The following USP34 variants were observed in gnomAD, a reference collection of about 807,000 sequenced individuals.
USP34 encodes ubiquitin carboxyl-terminal hydrolase 34.
In USP34, 70 loss-of-function variants were observed where a neutral mutation model predicts 460.3. The observed-to-expected ratio is 0.15, with a 90% confidence interval of 0.13 to 0.19. USP34 has a LOEUF of 0.19. Among genes scored for constraint, USP34 ranks in the 10% least tolerant of loss-of-function variants. The pLI is 1.00. For missense variants in USP34, 3,985 were observed against 4,236.2 expected (o/e 0.94, Z 1.65); for synonymous variants, 1,647 against 1,405.3 (o/e 1.17, Z -3.85).
chr2:61,241,933 T>A (rs566405564), intron 51 of USP34, 114 bp from the exon 52 acceptor site: 2 of 592,742 alleles, frequency 3.4e-6, no homozygotes, highest in East Asian at 6.9e-5. Context: ...ACTTTGTAAG[T>A]AGTTTTCAAA....
chr2:61,338,767 AAAC>A (rs1691502306), intron 18 of USP34, among the ~76,000 whole-genome samples: 1 of 152,190 alleles, frequency 6.6e-6, no homozygotes, highest in African/African-American at 2.4e-5. Context: ...GGCAGAATTC[AAAC>A]AAGAGAAAAA....
chr2:61,309,943 A>C (rs931346602), intron 27 of USP34, among the ~76,000 whole-genome samples: 2 of 152,190 alleles, frequency 1.3e-5, no homozygotes, highest in Admixed American at 1.3e-4. Context: ...TAGTAGCTAC[A>C]TGTCCCTTTT....
In USP34 at chr2:61,302,114, T is replaced by C. The variant is rs1273195182; in HGVS notation, c.3818-660A>G. The stretch of plus-strand genomic sequence containing the variant: ...GAGAAGACATTCAAATTAAGTATTG[T>C]ATAATGTACAACTTTTTCGGGAAAA... On this transcript the variant is annotated intron_variant, in intron 27 of 79. Transcript: ENST00000398571. Among the ~76,000 whole-genome samples, 7 of 152,186 alleles carry C rather than the reference T, an allele frequency of 4.6e-5. No individual in the cohort carries two copies. In the East Asian group the frequency reaches 9.6e-4, roughly 21 times the overall value.
chr2:61,315,911 C>G (rs941602217), intron 23 of USP34, among the ~76,000 whole-genome samples: 9 of 151,936 alleles, frequency 5.9e-5, no homozygotes, highest in Admixed American at 5.9e-4. Flanking sequence ...TGAAAATTAT[C>G]ATAGTGGGCC....
At chr2:61,260,920 A>G (rs980436096) in intron 43 of USP34, among the ~76,000 whole-genome samples, 2 of 152,220 alleles carry the variant, frequency 1.3e-5, no homozygotes, top group African/African-American at 4.8e-5. Flanking sequence ...CTTAATGCGC[A>G]ATTTTTAAAT....
chr2:61,365,730 T>A (rs1258139416), intron 10 of USP34, among the ~76,000 whole-genome samples: 2 of 152,106 alleles, frequency 1.3e-5, no homozygotes, highest in Non-Finnish European at 2.9e-5. Context: ...TAGTATATAA[T>A]CTAAATGTTA....
At chr2:61,362,683 T>G (rs572545428) in intron 10 of USP34, among the ~76,000 whole-genome samples, 18 of 152,274 alleles carry the variant, frequency 1.2e-4, no homozygotes, top group Admixed American at 3.3e-4. Flanking sequence ...GTTTAAGTTC[T>G]CCAAAATGAG....
At chr2:61,196,595 G>A (rs546747918) in intron 75 of USP34, among the ~76,000 whole-genome samples, 4 of 151,416 alleles carry the variant, frequency 2.6e-5, no homozygotes, top group South Asian at 2.1e-4. Flanking sequence ...CAGTGGCATC[G>A]TCTTGGCTCA....
At chr2:61,327,889 A>G (rs1373211289) in intron 20 of USP34, among the ~76,000 whole-genome samples, 1 of 152,214 alleles carries the variant, frequency 6.6e-6, no homozygotes. Context: ...AGTCTCCCCA[A>G]AGATATGAAA....
At chr2:61,454,949 T>C (rs1051817192) in intron 1 of USP34, among the ~76,000 whole-genome samples, 2 of 149,274 alleles carry the variant, frequency 1.3e-5, no homozygotes, top group Non-Finnish European at 3.0e-5. Flanking sequence ...TGGTGCCATC[T>C]TGGCTCACTG....
At position 61,265,644 on chromosome 2, in the gene USP34, C is replaced by T. The variant is rs878941872; in HGVS notation, c.5618-87G>A. On this transcript the variant is annotated intron_variant, in intron 42 of 79. Coordinates refer to ENST00000398571, the MANE Select transcript of USP34 (RefSeq NM_014709.4). ...TGCTTACATTAACAGCCTCTACCTC[C>T]ATTAGTTACCTCATTAATATATATA... 25 of 1,247,156 alleles carry T rather than the reference C, an allele frequency of 2.0e-5. 1 individual carries two copies. In the South Asian group the frequency reaches 4.5e-4, roughly 23 times the overall value. 77.3% of individuals were successfully genotyped at this position (1,247,156 alleles called of 1,614,324 possible). A position where few individuals can be genotyped will look rare whatever the true frequency, so the allele number is the denominator to read the frequency against.
chr2:61,293,659 A>T, intron 32 of USP34, 109 bp from the exon 33 acceptor site: 1 of 696,152 alleles, frequency 1.4e-6, no homozygotes, highest in Non-Finnish European at 2.4e-6. Flanking sequence ...TTTTATTTAC[A>T]CTACTATTCA....
intron 4 of USP34, 37 bp downstream of exon 4, chr2:61,395,146 A>T (rs1486512606): frequency 1.3e-6 from 2 of 1,482,386 alleles, no homozygotes; most frequent in African/African-American, 1.4e-5. Context: ...AAAAAAATAA[A>T]ATTTTCCATA....
At chr2:61,200,941 C>G (rs573942807) in intron 75 of USP34, among the ~76,000 whole-genome samples, 1 of 151,904 alleles carries the variant, frequency 6.6e-6, no homozygotes, top group Non-Finnish European at 1.5e-5. Context: ...AGGTCTTTGT[C>G]TAAGACCTAA....
Position 61,339,412 on chromosome 2 carries a change from T to C in USP34, c.2683A>G (p.Thr895Ala), listed in dbSNP as rs1450164254. ...KLLCSLVCWF[T>A]DRQIRMRFIE... ...AATCTCATTCGAATTTGTCTATCTG[T>C]AAACCAACATACTAACGAACAAAGA... Residue 895 changes from threonine (T) to alanine (A), a missense_variant, in exon 18 of 80, where the codon ACA becomes GCA. By Grantham distance (58) the Thr-to-Ala change is moderately conservative (BLOSUM62 0). Coordinates refer to ENST00000398571, the MANE Select transcript of USP34 (RefSeq NM_014709.4). 1.2e-6 allele frequency: 2 copies of C among 1,608,682 alleles called. No homozygotes were observed. Among genetic ancestry groups the C allele is most frequent in the Non-Finnish European group, 8.5e-7 (1 of 1,177,498 alleles).
chr2:61,386,813 TGTAA>T (rs1233884943), intron 5 of USP34, among the ~76,000 whole-genome samples: 4 of 152,066 alleles, frequency 2.6e-5, no homozygotes, highest in African/African-American at 4.8e-5. Context: ...AAAAAAACTT[TGTAA>T]GTATCTTCAT....
chr2:61,417,652 G>GT (rs200759510), intron 2 of USP34, among the ~76,000 whole-genome samples: 32 of 133,456 alleles, frequency 2.4e-4, no homozygotes, highest in Non-Finnish European at 3.5e-4. Flanking sequence ...TCTCAAAGTT[G>GT]TTTTTTTTTC....
chr2:61,404,328 G>T (rs1002428343), intron 3 of USP34, among the ~76,000 whole-genome samples: 1 of 152,038 alleles, frequency 6.6e-6, no homozygotes, highest in African/African-American at 2.4e-5. Context: ...CATATTCCAG[G>T]ATGCACAGGA....
intron 27 of USP34, among the ~76,000 whole-genome samples, chr2:61,310,638 C>A (rs938117748): frequency 4.7e-5 from 7 of 149,554 alleles, no homozygotes; most frequent in African/African-American, 1.7e-4. Context: ...CAGATATATA[C>A]CTATAAAAGA....
Sources: allele counts gnomAD v4.1 joint callset (sites outside exome capture counted in the v4.1 genomes callset), GRCh38; gene constraint gnomAD v4.1.1; transcripts MANE v1.5; gene names NCBI Gene and HGNC (gene_info 2026-07-23, HGNC 2026-07-21).